Variants in PRDM11 observed in about 807,000 individuals in gnomAD.
PRDM11 encodes the protein PR/SET domain 11.
PRDM11 carries 20 observed loss-of-function variants against 97.8 expected under a neutral mutation model. The ratio of observed to expected loss-of-function variants is 0.20; its 90% CI spans 0.14 to 0.30. The LOEUF (loss-of-function observed/expected upper bound fraction) is 0.30, where lower values mean the gene tolerates loss of function less well. Ranked by LOEUF, PRDM11 falls within the 10% of genes least tolerant of loss-of-function variation. PRDM11 has a pLI of 1.00. For synonymous variants in PRDM11, 599 were observed against 637.7 expected, an observed-to-expected ratio of 0.94 and a Z score of 0.91; for missense variants, 1,139 against 1,555.2, an observed-to-expected ratio of 0.73 and a Z score of 4.50.
At chr11:45,139,467 T>C (rs964476215) in intron 1 of PRDM11, among the ~76,000 whole-genome samples, 2 of 147,526 alleles carry the variant, frequency 1.4e-5, no homozygotes, top group East Asian at 2.0e-4. Context: ...CTTGGGAGGC[T>C]GAGGCAGGAG....
intron 1 of PRDM11, among the ~76,000 whole-genome samples, chr11:45,150,327 A>G (rs946016076): frequency 6.6e-6 from 1 of 152,030 alleles, no homozygotes; most frequent in African/African-American, 2.4e-5. Flanking sequence ...ATCCATAGCA[A>G]TTTCCCACTT....
At chr11:45,134,563 G>A (rs369340723) in intron 1 of PRDM11, among the ~76,000 whole-genome samples, 32 of 151,496 alleles carry the variant, frequency 2.1e-4, no homozygotes, top group Middle Eastern at 3.2e-3. Context: ...GCTGGATGTC[G>A]TGGCACGTGC....
At chr11:45,145,392 T>C (rs1025245213), upstream of PRDM11, among the ~76,000 whole-genome samples, 1 of 152,110 alleles carries the variant, frequency 6.6e-6, no homozygotes, top group Admixed American at 6.6e-5. Flanking sequence ...CCAAAAGCCA[T>C]GAGCACCCCC....
In PRDM11 at chr11:45,183,064, G is replaced by A. The variant is rs778999417; in HGVS notation, c.427G>A (p.Gly143Ser). 1.9e-6 allele frequency: 3 copies of A among 1,614,030 alleles called. No individual in the cohort carries two copies. The highest frequency in any genetic ancestry group is 1.1e-5 in the South Asian group (1 of 91,082). Reference protein sequence around the residue: ...NEVIPKGHIFGPYEGQISTQD... With the variant: ...NEVIPKGHIFSPYEGQISTQD... ...GGTCATCCCCAAGGGCCACATCTTC[G>A]GCCCCTATGAGGGGCAGATCTCCAC... Residue 143 changes from glycine to serine, a missense_variant, in exon 4 of 8, where the codon GGC becomes AGC. Transcript: ENST00000683152.
intron 1 of PRDM11, among the ~76,000 whole-genome samples, chr11:45,155,610 A>G (rs1375467134): frequency 6.6e-6 from 1 of 151,710 alleles, no homozygotes; most frequent in African/African-American, 2.4e-5. Context: ...GGGGGTTTGC[A>G]TTTGGAGAGG....
At chr11:45,165,193 G>C (rs1394908576) in intron 1 of PRDM11, among the ~76,000 whole-genome samples, 3 of 152,178 alleles carry the variant, frequency 2.0e-5, no homozygotes, top group Non-Finnish European at 4.4e-5. Context: ...CTTGCCAGTG[G>C]ACTGCAGGGC....
At chr11:45,163,940 C>G (rs1300780775) in intron 1 of PRDM11, among the ~76,000 whole-genome samples, 3 of 152,150 alleles carry the variant, frequency 2.0e-5, no homozygotes, top group East Asian at 3.9e-4. Flanking sequence ...CTCCCCTCAC[C>G]CCATGGAGAA....
In PRDM11 at chr11:45,147,134, C is replaced by CCCTCCGCCTCCTT. The variant is rs1460606896; in HGVS notation, c.-7+263_-7+275dup. On this transcript the variant is annotated intron_variant, in intron 1 of 7. Transcript: ENST00000683152. ...CCGCCGCCGCGGGAGCCGGGGGCCG[C>CCCTCCGCCTCCTT]CCTCCGCCTCCTTCCTCCCAGCTCG... Among the ~76,000 whole-genome samples, 5 of 151,392 alleles carry CCCTCCGCCTCCTT rather than the reference C, an allele frequency of 3.3e-5. No individual in the cohort carries two copies. The East Asian group carries it at 7.8e-4, about 24-fold the overall frequency.
chr11:45,167,105 G>A (rs1696254184), intron 1 of PRDM11, among the ~76,000 whole-genome samples: 1 of 152,170 alleles, frequency 6.6e-6, no homozygotes, highest in Non-Finnish European at 1.5e-5. Context: ...GTTATAGAGA[G>A]GATTAAGTGA....
At chr11:45,125,737 G>C (rs1852554224) in intron 1 of PRDM11, among the ~76,000 whole-genome samples, 1 of 152,120 alleles carries the variant, frequency 6.6e-6, no homozygotes, top group Non-Finnish European at 1.5e-5. Context: ...TTTTACATTT[G>C]CTGAGGAGTG....
At chr11:45,101,061 A>G (rs1468970041) in intron 1 of PRDM11, among the ~76,000 whole-genome samples, 3 of 151,924 alleles carry the variant, frequency 2.0e-5, no homozygotes, top group African/African-American at 7.3e-5. Flanking sequence ...GGGGGTGGGG[A>G]TTAATAGGAC....
intron 4 of PRDM11, among the ~76,000 whole-genome samples, chr11:45,185,169 G>C (rs1852659621): frequency 6.6e-6 from 1 of 152,196 alleles, no homozygotes; most frequent in South Asian, 2.1e-4. Flanking sequence ...AGCTATTGTA[G>C]AAAGCAGTGG....
intron 1 of PRDM11, among the ~76,000 whole-genome samples, chr11:45,113,756 GGTT>G (rs1451775309): frequency 4.0e-5 from 6 of 149,000 alleles, no homozygotes; most frequent in African/African-American, 9.9e-5. Context: ...ATTTCAGCTT[GGTT>G]GTTGTTGGTG....
intron 1 of PRDM11, among the ~76,000 whole-genome samples, chr11:45,147,956 TG>T (rs1364613008): frequency 6.6e-6 from 1 of 152,122 alleles, no homozygotes; most frequent in Non-Finnish European, 1.5e-5. Context: ...TTTGGGGGTT[TG>T]GGGACAGAAG....
At chr11:45,162,763 C>G (rs1057164203) in intron 1 of PRDM11, among the ~76,000 whole-genome samples, 1 of 152,204 alleles carries the variant, frequency 6.6e-6, no homozygotes, top group Non-Finnish European at 1.5e-5. Flanking sequence ...TGCTATAAAG[C>G]CTCTGATGGT....
In PRDM11 at chr11:45,227,436, C is replaced by T; in HGVS notation, c.2811C>T (p.Phe937=). The change falls in exon 8 of 8, where the codon TTC becomes TTT. Residue 937 remains phenylalanine, a synonymous_variant. Coordinates refer to ENST00000683152, the MANE Select transcript of PRDM11 (RefSeq NM_001384648.1). The surrounding 1 kb of genome is among the most constrained non-coding windows in gnomAD (Gnocchi z 8.0). The part of the protein sequence containing the change: ...GEYLQEFEEN[F]RESFNGIAMK... ...ACCTGCAGGAGTTCGAGGAGAATTT[C>T]CGAGAGAGCTTCAACGGGATCGCCA... is the stretch of plus-strand genomic sequence containing the variant. 6.5e-7 allele frequency: 1 copy of T among 1,533,858 alleles called. No individual in the cohort carries two copies. The highest frequency in any genetic ancestry group is 8.7e-7 in the Non-Finnish European group (1 of 1,146,740).
At chr11:45,211,314 T>C (rs567999277) in intron 5 of PRDM11, among the ~76,000 whole-genome samples, 25 of 152,308 alleles carry the variant, frequency 1.6e-4, no homozygotes, top group Admixed American at 1.4e-3. Context: ...GATAAACCTG[T>C]CTGTCCTCCC....
At chr11:45,157,533 C>T (rs986956716) in intron 1 of PRDM11, among the ~76,000 whole-genome samples, 2 of 152,188 alleles carry the variant, frequency 1.3e-5, no homozygotes, top group Non-Finnish European at 2.9e-5. Context: ...TGGGGACCTA[C>T]GCCTTAGAGG....
At chr11:45,134,267 A>G (rs1666992563) in intron 1 of PRDM11, among the ~76,000 whole-genome samples, 1 of 152,218 alleles carries the variant, frequency 6.6e-6, no homozygotes, top group South Asian at 2.1e-4. Context: ...GATATAGAAG[A>G]AAACTTTAGT....
Sources: allele counts gnomAD v4.1 joint callset (sites outside exome capture counted in the v4.1 genomes callset), GRCh38; gene constraint gnomAD v4.1.1; non-coding constraint Gnocchi (gnomAD v3.1); transcripts MANE v1.5; gene names NCBI Gene and HGNC (gene_info 2026-07-23, HGNC 2026-07-21).